Variants in GORASP1 observed in about 807,000 individuals in gnomAD.
The protein encoded by GORASP1 is Golgi reassembly-stacking protein 1.
GORASP1 carries 31 observed loss-of-function variants against 37.7 expected under a neutral mutation model. That is an observed-to-expected ratio of 0.82 (90% CI 0.62 to 1.11). GORASP1 has a LOEUF of 1.11. Among genes scored for constraint, GORASP1 ranks in the 50% least tolerant of loss-of-function variants. The pLI is 0.00. For synonymous variants in GORASP1, 204 were observed against 224.8 expected, an observed-to-expected ratio of 0.91 and a Z score of 0.83; for missense variants, 476 against 560.7, an observed-to-expected ratio of 0.85 and a Z score of 1.53.
chr3:39,099,031 C>T (rs2035526385), intron 7 of GORASP1, 138 bp from the exon 8 acceptor site: 1 of 1,154,304 alleles, frequency 8.7e-7, no homozygotes, highest in African/African-American at 1.5e-5. Context: ...ATACCCCTCA[C>T]CCAACCTCAA....
Position 39,098,223 on chromosome 3 carries a change from A to G in GORASP1, c.*13T>C. The stretch of plus-strand genomic sequence containing the variant: ...ATGAAATGTCATCATGGGCCTTGTC[A>G]CAGCCCAGGGTGTTATTCTGTGGTA... On this transcript the variant is annotated 3_prime_UTR_variant, in exon 9 of 9. Coordinates refer to ENST00000319283, the MANE Select transcript of GORASP1 (RefSeq NM_031899.4). This position sits in a 1 kb window ranked among gnomAD's most constrained non-coding sequence, Gnocchi z 4.7. The G allele has an allele frequency of 6.2e-7, 1 of 1,611,178 alleles. No homozygotes were observed. The highest frequency in any genetic ancestry group is 8.5e-7 in the Non-Finnish European group (1 of 1,178,204).
rs1427991699 is a variant in GORASP1, at chr3:39,098,522, G to GC, written c.1070-34dup. Reference sequence around the variant, plus strand: ...ACAGAAGATCAGGCTGAGGAGGTCTGCAAGAACCTAGGGCCATGGTGTTAG... The same window carrying GC: ...ACAGAAGATCAGGCTGAGGAGGTCTGCCAAGAACCTAGGGCCATGGTGTTAG... On this transcript the variant is annotated intron_variant, in intron 8 of 8. Coordinates refer to ENST00000319283, the MANE Select transcript of GORASP1 (RefSeq NM_031899.4). This position sits in a 1 kb window ranked among gnomAD's most constrained non-coding sequence, Gnocchi z 4.7. 3.8e-6 allele frequency: 6 copies of GC among 1,591,768 alleles called. No homozygotes were observed. The highest frequency in any genetic ancestry group is 4.3e-6 in the Non-Finnish European group (5 of 1,168,266).
At chr3:39,101,345 C>A in intron 3 of GORASP1, 1 of 601,508 alleles carries the variant, frequency 1.7e-6, no homozygotes, top group East Asian at 2.9e-5. Flanking sequence ...GGAATCTGAC[C>A]CCGGGCTCAA....
rs1201039443 is a variant in GORASP1, at chr3:39,098,803, G to A, written c.1007C>T (p.Thr336Ile). 1.9e-6 allele frequency: 3 copies of A among 1,614,076 alleles called. No individual in the cohort carries two copies. Among genetic ancestry groups the A allele is most frequent in the African/African-American group, 1.3e-5 (1 of 74,934 alleles). ...CTCTGGCCCTGAGGTTGAGACAGCTGTGGTGGTCAGTTCTGTGGAAGAGGG... is the reference window on the plus strand; with the variant it reads ...CTCTGGCCCTGAGGTTGAGACAGCTATGGTGGTCAGTTCTGTGGAAGAGGG... The part of the protein sequence containing the change: ...SLPSSTELTT[T>I]AVSTSGPEDI... Residue 336 changes from threonine to isoleucine, a missense_variant, in exon 8 of 9, where the codon ACA (threonine) becomes ATA (isoleucine). Coordinates refer to ENST00000319283, the MANE Select transcript of GORASP1 (RefSeq NM_031899.4). This position sits in a 1 kb window ranked among gnomAD's most constrained non-coding sequence, Gnocchi z 4.7.
At chr3:39,107,194 G>T (rs777109776) in intron 1 of GORASP1, 1 of 533,554 alleles carries the variant, frequency 1.9e-6, no homozygotes, top group South Asian at 1.6e-5. Flanking sequence ...CGGGAGGAGC[G>T]CCATTCCCGG....
At chr3:39,099,118 G>T (rs1204713617) in intron 7 of GORASP1, 2 of 773,114 alleles carry the variant, frequency 2.6e-6, no homozygotes, top group South Asian at 2.9e-5. Context: ...CACAGTGGCA[G>T]TAGGCATAGA....
rs750828063 is a variant in GORASP1, at chr3:39,098,268, C to T, written c.1291G>A (p.Asp431Asn). The T allele has an allele frequency of 6.2e-7, 1 of 1,614,180 alleles. No individual in the cohort carries two copies. The highest frequency in any genetic ancestry group is 2.2e-5 in the East Asian group (1 of 44,876). Residue 431 changes from aspartate to asparagine, a missense_variant, in exon 9 of 9, where the codon GAC becomes AAC. Physicochemically the swap from Asp to Asn is conservative, Grantham distance 23. Transcript: ENST00000319283. This position sits in a 1 kb window ranked among gnomAD's most constrained non-coding sequence, Gnocchi z 4.7. ...GTGGTAGAGATCTGGGCCTGGCTGT[C>T]CAGCCCCTCAGCCTCCGTCCCAGTA... Reference protein sequence around the residue: ...LDTGTEAEGLDSQAQISTTE With the variant: ...LDTGTEAEGLNSQAQISTTE
chr3:39,098,485 C>T lies in GORASP1; in HGVS notation c.1074G>A (p.Glu358=), dbSNP rs954746297. 13 of 1,612,592 alleles carry T rather than the reference C, an allele frequency of 8.1e-6. No homozygotes were observed. Among genetic ancestry groups the T allele is most frequent in the Non-Finnish European group, 1.1e-5 (13 of 1,179,132 alleles). Residue 358 remains glutamate (E), a synonymous_variant, in exon 9 of 9, where the codon GAG becomes GAA. Transcript: ENST00000319283. This position sits in a 1 kb window ranked among gnomAD's most constrained non-coding sequence, Gnocchi z 4.7. ...SSSSSHERGG[E]ATWSGSEFEV... ...CAAACTCTGACCCAGACCATGTAGCCTCACCTGCAACACAGAAGATCAGGC... is the reference window on the plus strand; with the variant it reads ...CAAACTCTGACCCAGACCATGTAGCTTCACCTGCAACACAGAAGATCAGGC...
In GORASP1 at chr3:39,100,845, A is replaced by G; in HGVS notation, c.468T>C (p.His156=). 1.9e-6 allele frequency: 3 copies of G among 1,614,172 alleles called. No homozygotes were observed. The South Asian group carries it at 3.3e-5, about 18-fold the overall frequency. ...CCATCAGCTTCAAGGGCTTCCCCTC[A>G]TGAGACTCGATGAGCGTAAAGAAGT... The part of the protein sequence containing the change: ...SEDFFTLIES[H]EGKPLKLMVY... Residue 156 remains histidine, a synonymous_variant, in exon 5 of 9, where the codon CAT becomes CAC. Transcript: ENST00000319283. The surrounding 1 kb of genome is among the most constrained non-coding windows in gnomAD (Gnocchi z 4.6).
chr3:39,101,155 G>A (rs1013266054), intron 3 of GORASP1, 53 bp from the exon 4 acceptor site: 4 of 1,527,614 alleles, frequency 2.6e-6, no homozygotes, highest in Middle Eastern at 1.7e-4. Context: ...GGGGTTGGGG[G>A]ATGGGAAAGG....
chr3:39,099,220 G>A (rs2035538978), intron 7 of GORASP1, 133 bp downstream of exon 7: 1 of 1,044,534 alleles, frequency 9.6e-7, no homozygotes, highest in Non-Finnish European at 1.5e-6. Flanking sequence ...TAGATTGGAT[G>A]ATATGCAACT....
intron 1 of GORASP1, chr3:39,107,142 G>C (rs1184856184): frequency 3.9e-6 from 2 of 514,820 alleles, no homozygotes; most frequent in Admixed American, 2.3e-5. Context: ...TGTGTGCTAA[G>C]TGCACGAGTG....
In GORASP1 at chr3:39,099,457, C is replaced by T. The variant is rs762903029; in HGVS notation, c.812G>A (p.Gly271Glu). The T allele has an allele frequency of 1.2e-5, 20 of 1,611,204 alleles. 1 individual carries two copies. The South Asian group carries it at 1.4e-4, about 12-fold the overall frequency. ...AGCACTGTGGCTGGGACTCCCAGGCCCAGGAAGGGGATCCTCCATGGAGGA... is the reference window on the plus strand; with the variant it reads ...AGCACTGTGGCTGGGACTCCCAGGCTCAGGAAGGGGATCCTCCATGGAGGA... ...PGSSMEDPLP[G>E]PGSPSHSAPD... The change falls in exon 7 of 9, where the codon GGG (glycine) becomes GAG (glutamate). Residue 271 changes from glycine (G) to glutamate (E), a missense_variant. Physicochemically the swap from Gly to Glu is moderately conservative, Grantham distance 98. Coordinates refer to ENST00000319283, the MANE Select transcript of GORASP1 (RefSeq NM_031899.4).
Position 39,102,753 on chromosome 3 carries a change from G to A in GORASP1, c.273C>T (p.Gly91=), listed in dbSNP as rs144332029. The A allele has an allele frequency of 1.3e-3, 2,061 of 1,614,184 alleles. 2 individuals carry two copies. The highest frequency in any genetic ancestry group is 2.5e-3 in the Admixed American group (153 of 60,026). Residue 91 remains glycine (G), a synonymous_variant, in exon 3 of 9, where the codon GGC becomes GGT. Transcript: ENST00000319283. The surrounding 1 kb of genome is among the most constrained non-coding windows in gnomAD (Gnocchi z 5.0). The stretch of plus-strand genomic sequence containing the variant: ...CACTGGCACCCAGTAGGCCCTGGCC[G>A]CCCCACATGTTGCTGGGCACCACCT... ...EVEVVPSNMW[G]GQGLLGASVR... is the part of the protein sequence containing the mutation.
At chr3:39,107,042 G>A (rs1178955986) in intron 1 of GORASP1, 1 of 459,900 alleles carries the variant, frequency 2.2e-6, no homozygotes, top group Admixed American at 2.3e-5. Flanking sequence ...CGTCCACTCG[G>A]TTAACCCCGG....
rs2035775543 is a variant in GORASP1 at position 39,102,333 on chromosome 3, GGA to G, written c.348+343_348+344del. ...AAACGTTGTCATGCAACACACACACGGAGAGACACAGAGAATAATAAAAGCAG... is the reference window on the plus strand; with the variant it reads ...AAACGTTGTCATGCAACACACACACGGAGACACAGAGAATAATAAAAGCAG... On this transcript the variant is annotated intron_variant, in intron 3 of 8. Transcript: ENST00000319283. The surrounding 1 kb of genome is among the most constrained non-coding windows in gnomAD (Gnocchi z 5.0). 2.4e-6 allele frequency: 1 copy of G among 411,822 alleles called. No homozygotes were observed. Among genetic ancestry groups the G allele is most frequent in the South Asian group, 2.7e-5 (1 of 37,348 alleles). 25.5% of individuals were successfully genotyped at this position (411,822 alleles called of 1,614,324 possible). A position where few individuals can be genotyped will look rare whatever the true frequency, so the allele number is the denominator to read the frequency against.
Position 39,096,861 on chromosome 3 carries a change from T to C in GORASP1, c.*1375A>G, listed in dbSNP as rs2035374414. 4 of 152,196 alleles carry C rather than the reference T, an allele frequency of 2.6e-5. 1 individual carries two copies. In the South Asian group the frequency reaches 8.3e-4, roughly 31 times the overall value. The allele number at this position is 152,196 out of a possible 1,614,324, so 9.4% of individuals were successfully genotyped here. ...CAGAACCTTTGGGTGAGGGCAACTT[T>C]GGGTCAGACTGCCAGGCTACAGAGT... On this transcript the variant is annotated 3_prime_UTR_variant, in exon 9 of 9. Coordinates refer to ENST00000319283, the MANE Select transcript of GORASP1 (RefSeq NM_031899.4).
In GORASP1 at chr3:39,105,799, G is replaced by A. The variant is rs1027794544; in HGVS notation, c.63+1680C>T. 6.6e-6 allele frequency among the ~76,000 whole-genome samples: 1 copy of A among 152,096 alleles called. No individual in the cohort carries two copies. Among genetic ancestry groups the A allele is most frequent in the Non-Finnish European group, 1.5e-5 (1 of 68,022 alleles). The stretch of plus-strand genomic sequence containing the variant: ...AGGACAACAGGCAAGGTCCTACACG[G>A]TCTGCTCTGGTCTCCTCCTCACACT... On this transcript the variant is annotated intron_variant, in intron 1 of 8. Coordinates refer to ENST00000319283, the MANE Select transcript of GORASP1 (RefSeq NM_031899.4). This position sits in a 1 kb window ranked among gnomAD's most constrained non-coding sequence, Gnocchi z 5.4.
rs1347959314 is a variant in GORASP1, at chr3:39,098,923, G to A, written c.917-30C>T. ...GGGAGGGTGGTGCAGTTCTTTGCCA[G>A]CAAGAAACCCTGACTGCTGGAAAGC... On this transcript the variant is annotated intron_variant, in intron 7 of 8. Transcript: ENST00000319283. This position sits in a 1 kb window ranked among gnomAD's most constrained non-coding sequence, Gnocchi z 4.7. 4.3e-6 allele frequency: 7 copies of A among 1,611,762 alleles called. No individual in the cohort carries two copies. The highest frequency in any genetic ancestry group is 1.3e-5 in the African/African-American group (1 of 74,894).
Sources: allele counts gnomAD v4.1 joint callset (sites outside exome capture counted in the v4.1 genomes callset), GRCh38; gene constraint gnomAD v4.1.1; non-coding constraint Gnocchi (gnomAD v3.1); transcripts MANE v1.5; gene names NCBI Gene and HGNC (gene_info 2026-07-23, HGNC 2026-07-21).